The following HERC1 variants were observed in gnomAD, a reference collection of about 807,000 sequenced individuals.
HERC1 encodes the protein HECT and RLD domain containing E3 ubiquitin protein ligase family member 1, also known as probable E3 ubiquitin-protein ligase HERC1.
A neutral mutation model predicts 554.3 loss-of-function variants in HERC1; 160 were observed. That is an observed-to-expected ratio of 0.29 (90% CI 0.25 to 0.33). HERC1 has a LOEUF of 0.33. HERC1 is among the 10% of genes least tolerant of loss of function. The pLI, the probability that HERC1 is intolerant of heterozygous loss-of-function variation, is 1.00. For missense variants in HERC1, 4,919 were observed against 5,918.5 expected, an observed-to-expected ratio of 0.83 and a Z score of 5.54; for synonymous variants, 2,175 against 2,131.7, an observed-to-expected ratio of 1.02 and a Z score of -0.56.
intron 12 of HERC1, among the ~76,000 whole-genome samples, chr15:63,741,601 A>G (rs1027104148): frequency 5.9e-5 from 9 of 152,022 alleles, no homozygotes; most frequent in Non-Finnish European, 8.8e-5. Context: ...GCCTGGCCCT[A>G]TGTTTTCTTT....
At chr15:63,816,276 ACACATTGTTTCC>A (rs1464054816) in intron 1 of HERC1, among the ~76,000 whole-genome samples, 2 of 152,244 alleles carry the variant, frequency 1.3e-5, no homozygotes, top group Non-Finnish European at 2.9e-5. Context: ...AGAATAAAGT[ACACATTGTTTCC>A]CAAGTTTATT....
chr15:63,772,796 C>T (rs1482787950), intron 2 of HERC1, among the ~76,000 whole-genome samples: 1 of 152,078 alleles, frequency 6.6e-6, no homozygotes, highest in Non-Finnish European at 1.5e-5. Flanking sequence ...CCAAACAAAG[C>T]ACGGCATGCT....
At chr15:63,726,161 T>C (rs2074031885) in intron 17 of HERC1, among the ~76,000 whole-genome samples, 1 of 152,144 alleles carries the variant, frequency 6.6e-6, no homozygotes. Context: ...TTTGTATTTT[T>C]AGTAGAGATG....
chr15:63,654,277 T>C lies in HERC1; in HGVS notation c.10132A>G (p.Arg3378Gly). Residue 3378 changes from arginine (R) to glycine (G), a missense_variant, in exon 51 of 78, where the codon AGG becomes GGG. By Grantham distance (125) the Arg-to-Gly change is moderately radical. Transcript: ENST00000443617. ...NALAACCLSS[R>G]LSSQHRQWAA... ...CATTGCCGATGCTGTGAGGACAGCCTGGAGGAGAGGCAGCAGGCTGCCAGG... is the reference window on the plus strand; with the variant it reads ...CATTGCCGATGCTGTGAGGACAGCCCGGAGGAGAGGCAGCAGGCTGCCAGG... 6.2e-7 allele frequency: 1 copy of C among 1,613,948 alleles called. No homozygotes were observed. Among genetic ancestry groups the C allele is most frequent in the Non-Finnish European group, 8.5e-7 (1 of 1,179,864 alleles).
At position 63,661,010 on chromosome 15, in the gene HERC1, A is replaced by G. The variant is rs1373049117; in HGVS notation, c.9186T>C (p.Ala3062=). The change falls in exon 46 of 78, where the codon GCT becomes GCC. Residue 3062 remains alanine, a synonymous_variant. Transcript: ENST00000443617. ...TGTCTTGCTTGCCAATTAGATCTGG[A>G]GCTTGTCCCTTGTACCTGCACCAAA... The part of the protein sequence containing the change: ...STSSERYKGQ[A]PDLIGKQDSV... The G allele has an allele frequency of 1.2e-6, 2 of 1,612,302 alleles. No individual in the cohort carries two copies. Among genetic ancestry groups the G allele is most frequent in the East Asian group, 2.2e-5 (1 of 44,832 alleles).
rs1179255484 is a variant in HERC1, at chr15:63,694,648, ATTAT to A, written c.5243-103_5243-100del. 3 of 1,437,394 alleles carry A rather than the reference ATTAT, an allele frequency of 2.1e-6. No homozygotes were observed. Among genetic ancestry groups the A allele is most frequent in the Non-Finnish European group, 2.9e-6 (3 of 1,035,562 alleles). The allele number at this position is 1,437,394 out of a possible 1,614,324, so 89.0% of individuals were successfully genotyped here. Reference sequence around the variant, plus strand: ...AAATATTAATAACATGAAACACTAAATTATTTATTCTTTACCTATAAGTTTATCT... The same window carrying A: ...AAATATTAATAACATGAAACACTAAATTATTCTTTACCTATAAGTTTATCT... On this transcript the variant is annotated intron_variant, in intron 28 of 77. Coordinates refer to ENST00000443617, the MANE Select transcript of HERC1 (RefSeq NM_003922.4). This position sits in a 1 kb window ranked among gnomAD's most constrained non-coding sequence, Gnocchi z 4.3.
intron 70 of HERC1, among the ~76,000 whole-genome samples, chr15:63,627,438 G>A (rs1472377056): frequency 1.3e-5 from 2 of 152,086 alleles, no homozygotes; most frequent in Non-Finnish European, 2.9e-5. Context: ...TTGGGACGCT[G>A]AGGCTTGAAC....
chr15:63,719,085 T>C (rs551497609), intron 19 of HERC1, among the ~76,000 whole-genome samples, 188 bp from the exon 20 acceptor site: 2 of 152,196 alleles, frequency 1.3e-5, no homozygotes, highest in South Asian at 4.1e-4. Flanking sequence ...CAAAACTAAA[T>C]CCCTGATCTA....
chr15:63,780,012 C>CA (rs11447637), intron 1 of HERC1: 63,426 of 84,234 alleles, frequency 0.75, 24,280 homozygotes, highest in Non-Finnish European at 0.81. Context: ...GACTCCATCT[C>CA]AAAAAAAAAA....
chr15:63,649,079 G>A (rs1036782430), intron 54 of HERC1, among the ~76,000 whole-genome samples: 2 of 152,164 alleles, frequency 1.3e-5, no homozygotes, highest in Non-Finnish European at 2.9e-5. Flanking sequence ...TCTCGGCCAG[G>A]CACGGTGGCT....
chr15:63,804,993 G>A (rs62020830), intron 1 of HERC1, among the ~76,000 whole-genome samples: 4,231 of 151,828 alleles, frequency 0.028, 94 homozygotes, highest in Middle Eastern at 0.045. Flanking sequence ...ACTGCTGGTA[G>A]AAATGTGACA....
intron 77 of HERC1, among the ~76,000 whole-genome samples, chr15:63,611,542 T>C (rs1210424347): frequency 2.0e-5 from 3 of 152,202 alleles, no homozygotes; most frequent in African/African-American, 4.8e-5. Flanking sequence ...GAGGTTATCG[T>C]TGCTCCCCAC....
chr15:63,710,656 AG>A (rs2073245882), intron 24 of HERC1, among the ~76,000 whole-genome samples: 1 of 152,250 alleles, frequency 6.6e-6, no homozygotes, highest in Admixed American at 6.5e-5. Context: ...CAAGGGGGAC[AG>A]GAAGTGACTA....
rs781743102 is a variant in HERC1, at chr15:63,616,477, T to G, written c.13894A>C (p.Ile4632Leu). The G allele has an allele frequency of 6.2e-7, 1 of 1,613,904 alleles. No homozygotes were observed. The highest frequency in any genetic ancestry group is 1.7e-5 in the Admixed American group (1 of 60,008). Residue 4632 changes from isoleucine (I) to leucine (L), a missense_variant, in exon 75 of 78, where the codon ATT (isoleucine) becomes CTT (leucine). Coordinates refer to ENST00000443617, the MANE Select transcript of HERC1 (RefSeq NM_003922.4). ...ATCCCACTGTCTTCAATGTGAAGAATGCTGTTGAGAGTCTGCACGTAGAGC... is the reference window on the plus strand; with the variant it reads ...ATCCCACTGTCTTCAATGTGAAGAAGGCTGTTGAGAGTCTGCACGTAGAGC... ...DLLYVQTLNS[I>L]LHIEDSGITE...
At chr15:63,643,864 T>C (rs1411581190) in intron 57 of HERC1, among the ~76,000 whole-genome samples, 4 of 152,200 alleles carry the variant, frequency 2.6e-5, no homozygotes. Flanking sequence ...TTTTAACCAG[T>C]GTTTTGATTT....
At position 63,718,491 on chromosome 15, in the gene HERC1, AT is replaced by A. The variant is rs202016769; in HGVS notation, c.3978+82del. ...TGAACATATGCAATAACCAAGGCAC[AT>A]TTTTTTCTCACATAAACCAATTTAG... On this transcript the variant is annotated intron_variant, in intron 21 of 77. Transcript: ENST00000443617. This position sits in a 1 kb window ranked among gnomAD's most constrained non-coding sequence, Gnocchi z 4.2. The A allele has an allele frequency of 6.5e-6, 9 of 1,376,800 alleles. No individual in the cohort carries two copies. In the African/African-American group the frequency reaches 8.8e-5, roughly 13 times the overall value. The allele number at this position is 1,376,800 out of a possible 1,614,324, so 85.3% of individuals were successfully genotyped here.
intron 18 of HERC1, among the ~76,000 whole-genome samples, chr15:63,723,639 G>A (rs532588652): frequency 7.2e-5 from 11 of 152,260 alleles, no homozygotes; most frequent in South Asian, 2.1e-4. Flanking sequence ...CAACTCTGGC[G>A]TTTTGGCAGG....
intron 74 of HERC1, among the ~76,000 whole-genome samples, chr15:63,620,443 T>A (rs1310039190): frequency 6.6e-6 from 1 of 152,110 alleles, no homozygotes; most frequent in East Asian, 1.9e-4. Context: ...ATAGGTGTGG[T>A]GTGGTGCTGA....
intron 2 of HERC1, among the ~76,000 whole-genome samples, chr15:63,767,585 C>A (rs573417910): frequency 2.2e-4 from 33 of 152,130 alleles, no homozygotes; most frequent in Middle Eastern, 3.4e-3. Context: ...GTAGTCCCAG[C>A]CACTGGGGAG....
Sources: gnomAD v4.1 joint callset for allele counts (sites outside exome capture counted in the v4.1 genomes callset) on GRCh38, gnomAD v4.1.1 for gene constraint, Gnocchi (gnomAD v3.1) non-coding constraint, MANE v1.5 for transcripts, NCBI Gene and HGNC (gene_info 2026-07-23, HGNC 2026-07-21) for gene names.